Variants in DNAH8 observed in about 807,000 individuals in gnomAD.
DNAH8 encodes axonemal beta dynein heavy chain 8.
DNAH8 carries 382 observed loss-of-function variants against 562.1 expected under a neutral mutation model. The ratio of observed to expected loss-of-function variants is 0.68; its 90% CI spans 0.63 to 0.74. The LOEUF is 0.74. Among genes scored for constraint, DNAH8 ranks in the 30% least tolerant of loss-of-function variants. The probability of loss-of-function intolerance (pLI) is 0.00; values close to 1 mark genes in which losing one functional copy is unlikely to be tolerated. For missense variants in DNAH8, 5,203 were observed against 5,620.4 expected, an observed-to-expected ratio of 0.93 and a Z score of 2.37; for synonymous variants, 1,881 against 1,919.4, an observed-to-expected ratio of 0.98 and a Z score of 0.52.
chr6:38,922,663 C>T (rs1488930313), intron 71 of DNAH8, among the ~76,000 whole-genome samples: 1 of 152,086 alleles, frequency 6.6e-6, no homozygotes, highest in Non-Finnish European at 1.5e-5. Flanking sequence ...CTATTGTTGT[C>T]TGGGATTTTT....
rs1156356567 is a variant in DNAH8 at position 38,723,401 on chromosome 6, T to C, written c.455T>C (p.Phe152Ser). 3 of 1,612,370 alleles carry C rather than the reference T, an allele frequency of 1.9e-6. No homozygotes were observed. The highest frequency in any genetic ancestry group is 1.1e-5 in the South Asian group (1 of 90,868). Residue 152 changes from phenylalanine (F) to serine (S), a missense_variant, in exon 3 of 93, where the codon TTT becomes TCT. Phe to Ser is a radical substitution (Grantham distance 155, BLOSUM62 -2). Coordinates refer to ENST00000327475, the MANE Select transcript of DNAH8 (RefSeq NM_001206927.2). The stretch of plus-strand genomic sequence containing the variant: ...ATTGACCCTTCATACAAATATATAT[T>C]TGAAATTCTAGCAGAAAATCTTGGC... ...LKIDPSYKYI[F>S]EILAENLGLD...
At chr6:38,955,499 C>T (rs796654214) in intron 82 of DNAH8, among the ~76,000 whole-genome samples, 17 of 152,026 alleles carry the variant, frequency 1.1e-4, no homozygotes, top group African/African-American at 3.1e-4. Context: ...GGTGTGGTGG[C>T]GGGCACTTGT....
At chr6:38,719,712 A>G (rs1462690209) in intron 1 of DNAH8, among the ~76,000 whole-genome samples, 9 of 152,130 alleles carry the variant, frequency 5.9e-5, no homozygotes, top group South Asian at 2.1e-4. Context: ...CATTCCCTCT[A>G]GCATCAGAGG....
At chr6:38,951,759 G>A (rs910733498) in intron 82 of DNAH8, among the ~76,000 whole-genome samples, 6 of 151,796 alleles carry the variant, frequency 4.0e-5, no homozygotes, top group African/African-American at 1.5e-4. Flanking sequence ...GATTGGTTGT[G>A]TTTTAAGTTC....
At position 38,722,804 on chromosome 6, in the gene DNAH8, CGG is replaced by C; in HGVS notation, c.-2_-1del. The C allele has an allele frequency of 6.4e-7, 1 of 1,574,190 alleles. No individual in the cohort carries two copies. The highest frequency in any genetic ancestry group is 8.6e-7 in the Non-Finnish European group (1 of 1,162,544). ...TCGAAGTATAAAGCATTCCGCACGA[CGG>C]GGGATGGAGAAGGATGCTGAAGATG... On this transcript the variant is annotated 5_prime_UTR_variant, in exon 2 of 93. Coordinates refer to ENST00000327475, the MANE Select transcript of DNAH8 (RefSeq NM_001206927.2).
At chr6:39,016,615 G>T (rs1329110163) in intron 91 of DNAH8, among the ~76,000 whole-genome samples, 1 of 151,964 alleles carries the variant, frequency 6.6e-6, no homozygotes, top group Admixed American at 6.6e-5. Flanking sequence ...TTGTATAAAG[G>T]CTGTAGTTTC....
chr6:38,818,837 A>T (rs1394160959), intron 26 of DNAH8, among the ~76,000 whole-genome samples: 2 of 152,226 alleles, frequency 1.3e-5, no homozygotes, highest in Non-Finnish European at 2.9e-5. Flanking sequence ...TTGTTGCTCT[A>T]CACTCATTGC....
intron 21 of DNAH8, 57 bp from the exon 22 acceptor site, chr6:38,803,122 T>C: frequency 1.6e-6 from 2 of 1,275,706 alleles, no homozygotes; most frequent in Non-Finnish European, 2.1e-6. Flanking sequence ...TAGGACTAAT[T>C]TTCACAGTGT....
At chr6:38,903,512 A>G (rs536051188) in intron 62 of DNAH8, among the ~76,000 whole-genome samples, 1 of 152,206 alleles carries the variant, frequency 6.6e-6, no homozygotes, top group South Asian at 2.1e-4. Context: ...CCCGCCTCCA[A>G]CATTGGTGGT....
At chr6:38,788,225 C>T (rs1769366563) in intron 18 of DNAH8, among the ~76,000 whole-genome samples, 1 of 151,364 alleles carries the variant, frequency 6.6e-6, no homozygotes, top group Non-Finnish European at 1.5e-5. Flanking sequence ...GATCTCAGCT[C>T]ACTGCAACCT....
rs560501268 is a variant in DNAH8, at chr6:38,837,299, C to T, written c.4366-643C>T. Among the ~76,000 whole-genome samples the T allele has an allele frequency of 1.6e-4, 25 of 152,292 alleles. 2 individuals carry two copies. In the South Asian group the frequency reaches 4.4e-3, roughly 27 times the overall value. On this transcript the variant is annotated intron_variant, in intron 32 of 92. Coordinates refer to ENST00000327475, the MANE Select transcript of DNAH8 (RefSeq NM_001206927.2). ...GGAATTTAGGGTTCTCGGGAATATG[C>T]TGTACCACTTACACAGAGTGCTCAT... is the stretch of plus-strand genomic sequence containing the variant.
chr6:38,940,771 C>A (rs1783384080), intron 79 of DNAH8, among the ~76,000 whole-genome samples: 1 of 152,164 alleles, frequency 6.6e-6, no homozygotes, highest in African/African-American at 2.4e-5. Flanking sequence ...CAGTTTGTGA[C>A]CAGCTCTTAT....
intron 87 of DNAH8, among the ~76,000 whole-genome samples, chr6:38,989,384 C>T (rs1387166843): frequency 6.6e-6 from 1 of 152,152 alleles, no homozygotes; most frequent in Non-Finnish European, 1.5e-5. Flanking sequence ...TTTGTTCTCT[C>T]ACTGTTTTGT....
chr6:38,992,413 G>C (rs1404316083), intron 88 of DNAH8, among the ~76,000 whole-genome samples: 1 of 152,212 alleles, frequency 6.6e-6, no homozygotes, highest in African/African-American at 2.4e-5. Context: ...GGAAGTATTT[G>C]TTGACTGATC....
chr6:38,799,748 G>A (rs1031398645), intron 21 of DNAH8, among the ~76,000 whole-genome samples: 4 of 151,920 alleles, frequency 2.6e-5, no homozygotes, highest in African/African-American at 9.7e-5. Context: ...GTCCTCATTA[G>A]TCATTCTCCA....
chr6:38,909,512 C>T lies in DNAH8; in HGVS notation c.9514-6C>T, dbSNP rs1275826525. The T allele has an allele frequency of 6.2e-7, 1 of 1,613,616 alleles. No individual in the cohort carries two copies. On this transcript the variant is annotated splice_region_variant and splice_polypyrimidine_tract_variant and intron_variant, in intron 64 of 92. Transcript: ENST00000327475. ...TTCTAATGTTTGTTGACTTTGCTAT[C>T]AATAGGTTGGTGAGAAGTTCCGTGC...
chr6:38,805,279 T>C (rs1335708802), intron 22 of DNAH8, among the ~76,000 whole-genome samples: 2 of 152,218 alleles, frequency 1.3e-5, no homozygotes, highest in African/African-American at 4.8e-5. Flanking sequence ...CTTAGTAGAA[T>C]GACAATTCTA....
chr6:38,789,655 G>A, intron 18 of DNAH8, 148 bp from the exon 19 acceptor site: 1 of 569,328 alleles, frequency 1.8e-6, no homozygotes, highest in Non-Finnish European at 3.1e-6. Context: ...AGAAAGTGTG[G>A]TAAATCAGCA....
chr6:38,826,148 T>G lies in DNAH8; in HGVS notation c.3848-8T>G. On this transcript the variant is annotated splice_polypyrimidine_tract_variant and splice_region_variant and intron_variant, in intron 28 of 92. Coordinates refer to ENST00000327475, the MANE Select transcript of DNAH8 (RefSeq NM_001206927.2). ...TATTCTAATTTAATTTCTTCTTGTC[T>G]TCATCAGAGCCGATGAAATTGGCCT... 14 of 1,571,274 alleles carry G rather than the reference T, an allele frequency of 8.9e-6. No individual in the cohort carries two copies. The highest frequency in any genetic ancestry group is 1.2e-5 in the Non-Finnish European group (14 of 1,156,932).
Sources: gnomAD v4.1 joint callset for allele counts (sites outside exome capture counted in the v4.1 genomes callset) on GRCh38, gnomAD v4.1.1 for gene constraint, MANE v1.5 for transcripts, NCBI Gene and HGNC (gene_info 2026-07-23, HGNC 2026-07-21) for gene names.